Variants in EFR3B observed in about 807,000 individuals in gnomAD.
EFR3B encodes EFR3 homolog B, also known as protein EFR3 homolog B.
A neutral mutation model predicts 104.7 loss-of-function variants in EFR3B; 64 were observed. The ratio of observed to expected loss-of-function variants is 0.61; its 90% CI spans 0.50 to 0.75. The LOEUF (loss-of-function observed/expected upper bound fraction) is 0.75. EFR3B is among the 30% of genes least tolerant of loss of function. The pLI is 0.00. For synonymous variants in EFR3B, 385 were observed against 417.9 expected, an observed-to-expected ratio of 0.92 and a Z score of 0.96; for missense variants, 750 against 1,078.5, an observed-to-expected ratio of 0.70 and a Z score of 4.27.
chr2:25,074,620 C>CTTT (rs771237285), intron 1 of EFR3B, among the ~76,000 whole-genome samples: 1 of 144,270 alleles, frequency 6.9e-6, no homozygotes. Flanking sequence ...TATCTGCCAA[C>CTTT]TTTTTTTTTT....
In EFR3B at chr2:25,057,407, G is replaced by A. The variant is rs571019000; in HGVS notation, c.7+15088G>A. 2.0e-5 allele frequency among the ~76,000 whole-genome samples: 3 copies of A among 147,658 alleles called. No homozygotes were observed. The South Asian group carries it at 6.8e-4, about 33-fold the overall frequency. ...GTCACCCAGCTCGTTAAGTGGCATG[G>A]CTAACAAAAAAAAAAACAAAAAACA... On this transcript the variant is annotated intron_variant, in intron 1 of 22. Transcript: ENST00000403714.
intron 1 of EFR3B, among the ~76,000 whole-genome samples, chr2:25,055,381 G>A (rs992328646): frequency 6.6e-6 from 1 of 152,124 alleles, no homozygotes; most frequent in South Asian, 2.1e-4. Context: ...GGACCCATAG[G>A]GACTTTTAAG....
At chr2:25,135,423 AG>A (rs1231813274) in intron 12 of EFR3B, 43 bp from the exon 13 acceptor site, 2 of 1,546,622 alleles carry the variant, frequency 1.3e-6, no homozygotes, top group East Asian at 4.9e-5. Flanking sequence ...TGCACCTGAG[AG>A]GGACAGCATT....
rs1670336818 is a variant in EFR3B at position 25,131,594 on chromosome 2, G to A, written c.985+91G>A. The stretch of plus-strand genomic sequence containing the variant: ...AGGCAAGGGACAACAGGGAGGGGTC[G>A]GAGTCCGTTTTCCTCGGGAGAAGTC... On this transcript the variant is annotated intron_variant, in intron 9 of 22. Transcript: ENST00000403714. This position sits in a 1 kb window ranked among gnomAD's most constrained non-coding sequence, Gnocchi z 7.6. 2.6e-6 allele frequency: 4 copies of A among 1,513,188 alleles called. No individual in the cohort carries two copies. Among genetic ancestry groups the A allele is most frequent in the South Asian group, 1.2e-5 (1 of 80,126 alleles). 93.7% of individuals were successfully genotyped at this position (1,513,188 alleles called of 1,614,324 possible).
rs56005417 is a variant in EFR3B, at chr2:25,052,496, CTTT to C, written c.7+10198_7+10200del. Among the ~76,000 whole-genome samples, 400 of 95,696 alleles carry C rather than the reference CTTT, an allele frequency of 4.2e-3. 3 individuals carry two copies. In the East Asian group the frequency reaches 0.074, roughly 18 times the overall value. The allele number at this position is 95,696 out of a possible 152,430, so 62.8% of individuals were successfully genotyped here. On this transcript the variant is annotated intron_variant, in intron 1 of 22. Transcript: ENST00000403714. ...GCACCACTATGTGCCAGGCAGAATTCTTTTTTTTTTTTTTTTTTTTTTTGAGAC... is the reference window on the plus strand; with the variant it reads ...GCACCACTATGTGCCAGGCAGAATTCTTTTTTTTTTTTTTTTTTTTGAGAC...
intron 1 of EFR3B, among the ~76,000 whole-genome samples, chr2:25,071,220 A>G (rs1450362464): frequency 2.0e-5 from 3 of 148,386 alleles, no homozygotes; most frequent in Non-Finnish European, 4.4e-5. Flanking sequence ...TTGGCCTCCC[A>G]AAGTGCTGGG....
rs774049191 is a variant in EFR3B at position 25,139,125 on chromosome 2, G to T, written c.1789G>T (p.Ala597Ser). 6.4e-7 allele frequency: 1 copy of T among 1,551,654 alleles called. No individual in the cohort carries two copies. Among genetic ancestry groups the T allele is most frequent in the Admixed American group, 2.0e-5 (1 of 50,990 alleles). Residue 597 changes from alanine to serine, a missense_variant, in exon 16 of 23, where the codon GCA becomes TCA. Ala to Ser is a moderately conservative substitution (Grantham distance 99). Transcript: ENST00000403714. ...CCGCTGTGCCCTCTATGCTCTGGGC[G>T]CAGCCTACCTGAACCTCATCAGTCA... ...YNRCALYALG[A>S]AYLNLISQLT...
At chr2:25,117,663 T>A (rs564277446) in intron 4 of EFR3B, among the ~76,000 whole-genome samples, 1 of 151,910 alleles carries the variant, frequency 6.6e-6, no homozygotes, top group Admixed American at 6.6e-5. Context: ...CTGCCCACCT[T>A]GGCCTCCCAA....
intron 6 of EFR3B, among the ~76,000 whole-genome samples, chr2:25,128,794 T>TA (rs556493534): frequency 1.4e-4 from 20 of 147,708 alleles, no homozygotes; most frequent in East Asian, 4.0e-4. Flanking sequence ...GCGTCTCTAC[T>TA]AAAAAAAAAT....
At chr2:25,092,013 G>T (rs2149185122) in intron 2 of EFR3B, among the ~76,000 whole-genome samples, 1 of 152,198 alleles carries the variant, frequency 6.6e-6, no homozygotes, top group Non-Finnish European at 1.5e-5. Flanking sequence ...AAGAGCTGCA[G>T]AGCTGCCTTC....
intron 15 of EFR3B, among the ~76,000 whole-genome samples, chr2:25,138,355 G>C (rs1670575893): frequency 6.6e-6 from 1 of 152,168 alleles, no homozygotes; most frequent in Non-Finnish European, 1.5e-5. Context: ...TGTGGCACCG[G>C]ACAGGGCTTG....
intron 19 of EFR3B, 140 bp from the exon 20 acceptor site, chr2:25,149,554 G>T: frequency 1.3e-6 from 1 of 789,052 alleles, no homozygotes; most frequent in Non-Finnish European, 2.1e-6. Flanking sequence ...CCTGAGGGGG[G>T]TGGGGGTGTC....
At chr2:25,153,691 C>T (rs1479315188) in intron 21 of EFR3B, 21 bp from the exon 22 acceptor site, 2 of 1,550,964 alleles carry the variant, frequency 1.3e-6, no homozygotes, top group Non-Finnish European at 1.7e-6. Context: ...TGCCAGCTCA[C>T]TTCCGTGTGT....
intron 16 of EFR3B, 63 bp from the exon 17 acceptor site, chr2:25,141,303 C>G: frequency 1.3e-6 from 2 of 1,517,592 alleles, no homozygotes; most frequent in South Asian, 2.5e-5. Flanking sequence ...GGAGCTCTTT[C>G]GTTGCCTGTG....
In EFR3B at chr2:25,093,748, A is replaced by G. The variant is rs150138447; in HGVS notation, c.212+618A>G. 8.2e-3 allele frequency among the ~76,000 whole-genome samples: 1,256 copies of G among 152,244 alleles called. 20 individuals carry two copies. Among genetic ancestry groups the G allele is most frequent in the African/African-American group, 0.028 (1,153 of 41,550 alleles). ...AAAATTAAGGTTTGATTGCACCACC[A>G]TCCTCATCCAACCTGTCCTGCCTTA... On this transcript the variant is annotated intron_variant, in intron 3 of 22. Coordinates refer to ENST00000403714, the MANE Select transcript of EFR3B (RefSeq NM_014971.2).
chr2:25,056,756 G>T (rs1668032794), intron 1 of EFR3B, among the ~76,000 whole-genome samples: 1 of 151,988 alleles, frequency 6.6e-6, no homozygotes, highest in Admixed American at 6.6e-5. Context: ...TTTCCACAGG[G>T]CTGCTCAAAA....
chr2:25,114,399 G>C lies in EFR3B; in HGVS notation c.364-7274G>C, dbSNP rs80343647. ...TGTCAAACCAAGGGATCCTAAGGAG[G>C]CTCGAGATCCTGGTACCAAAAAGGT... On this transcript the variant is annotated intron_variant, in intron 4 of 22. Transcript: ENST00000403714. The surrounding 1 kb of genome is among the most constrained non-coding windows in gnomAD (Gnocchi z 4.0). 6.6e-6 allele frequency among the ~76,000 whole-genome samples: 1 copy of C among 152,282 alleles called. No homozygotes were observed. Among genetic ancestry groups the C allele is most frequent in the African/African-American group, 2.4e-5 (1 of 41,560 alleles).
In EFR3B at chr2:25,137,486, T is replaced by C; in HGVS notation, c.1706T>C (p.Leu569Pro). 1.3e-6 allele frequency: 2 copies of C among 1,551,712 alleles called. No homozygotes were observed. The highest frequency in any genetic ancestry group is 1.4e-5 in the African/African-American group (1 of 73,164). ...GAGGTGGTGGTGGACCTCATCCGTC[T>C]GGTGCTGGCTGTTCAGGTGGGGCCT... is the stretch of plus-strand genomic sequence containing the variant. ...NEEVVVDLIR[L>P]VLAVQDVAQV... is the part of the protein sequence containing the mutation. The change falls in exon 15 of 23, where the codon CTG becomes CCG. Residue 569 changes from leucine (L) to proline (P), a missense_variant. Coordinates refer to ENST00000403714, the MANE Select transcript of EFR3B (RefSeq NM_014971.2). The surrounding 1 kb of genome is among the most constrained non-coding windows in gnomAD (Gnocchi z 4.7).
rs1396918114 is a variant in EFR3B, at chr2:25,158,726, C to G, written c.*4386C>G. ...CCATGGGGCCGCCCAAGCCAGTCACCTTCCCCTTCCAAGCTCTCCCCCCAT... is the reference window on the plus strand; with the variant it reads ...CCATGGGGCCGCCCAAGCCAGTCACGTTCCCCTTCCAAGCTCTCCCCCCAT... On this transcript the variant is annotated 3_prime_UTR_variant, in exon 23 of 23. Transcript: ENST00000403714. The G allele has an allele frequency of 1.3e-5, 2 of 152,310 alleles. No homozygotes were observed. Among genetic ancestry groups the G allele is most frequent in the Non-Finnish European group, 2.9e-5 (2 of 68,122 alleles). The allele number at this position is 152,310 out of a possible 1,614,324, so 9.4% of individuals were successfully genotyped here.
Sources: gnomAD v4.1 joint callset for allele counts (sites outside exome capture counted in the v4.1 genomes callset) on GRCh38, gnomAD v4.1.1 for gene constraint, Gnocchi (gnomAD v3.1) non-coding constraint, MANE v1.5 for transcripts, NCBI Gene and HGNC (gene_info 2026-07-23, HGNC 2026-07-21) for gene names.